NRDE2: variants seen among roughly 807,000 people sequenced by gnomAD.
The protein encoded by NRDE2 is NRDE-2, necessary for RNA interference, domain containing.
In NRDE2, 76 loss-of-function variants were observed where a neutral mutation model predicts 124.2. The ratio of observed to expected loss-of-function variants is 0.61; its 90% CI spans 0.51 to 0.74. NRDE2 has a LOEUF of 0.74. Ranked by LOEUF, NRDE2 falls within the 30% of genes least tolerant of loss-of-function variation. NRDE2 has a pLI of 0.00. For missense variants in NRDE2, 1,314 were observed against 1,417.3 expected, an observed-to-expected ratio of 0.93 and a Z score of 1.17; for synonymous variants, 489 against 528.1, an observed-to-expected ratio of 0.93 and a Z score of 1.01.
chr14:90,279,160 C>T (rs1245349872), intron 12 of NRDE2, 27 bp from the exon 13 acceptor site: 3 of 1,553,164 alleles, frequency 1.9e-6, no homozygotes, highest in Admixed American at 1.7e-5. Flanking sequence ...AAAATACAAA[C>T]ATGATTAGTT....
At position 90,288,417 on chromosome 14, in the gene NRDE2, T is replaced by A; in HGVS notation, c.2958A>T (p.Ala986=). The part of the protein sequence containing the change: ...SVYPLAPLRE[A]LSQALKLYPG... ...GATACAACTTTAAAGCCTGTGAGAG[T>A]GCCTCTCGCAGAGGGGCCAGCGGGT... The change falls in exon 11 of 14, where the codon GCA becomes GCT. Residue 986 remains alanine, a synonymous_variant. Transcript: ENST00000354366. 1 of 1,614,030 alleles carries A rather than the reference T, an allele frequency of 6.2e-7. No individual in the cohort carries two copies. Among genetic ancestry groups the A allele is most frequent in the Non-Finnish European group, 8.5e-7 (1 of 1,180,004 alleles).
At chr14:90,298,147 T>C (rs1884248840) in intron 8 of NRDE2, 113 bp downstream of exon 8, 3 of 1,139,372 alleles carry the variant, frequency 2.6e-6, no homozygotes, top group Non-Finnish European at 3.8e-6. Context: ...TTGATGTTTG[T>C]GCAATATTCT....
chr14:90,317,201 C>T (rs956348703), intron 2 of NRDE2, among the ~76,000 whole-genome samples: 5 of 152,022 alleles, frequency 3.3e-5, no homozygotes, highest in Admixed American at 2.6e-4. Flanking sequence ...GCTGAAGGTG[C>T]TTGGGAGTTT....
chr14:90,301,706 T>C (rs1022155740), intron 6 of NRDE2: 8 of 454,334 alleles, frequency 1.8e-5, no homozygotes, highest in African/African-American at 8.0e-5. Flanking sequence ...AGAAAAAGGA[T>C]GGCGTAGCAG....
intron 1 of NRDE2, among the ~76,000 whole-genome samples, chr14:90,319,488 C>G (rs1303873301): frequency 6.6e-6 from 1 of 152,148 alleles, no homozygotes; most frequent in African/African-American, 2.4e-5. Flanking sequence ...TATCACCCAC[C>G]TCCTGTTTCC....
chr14:90,328,104 C>T (rs1233412937), intron 1 of NRDE2, among the ~76,000 whole-genome samples: 1 of 149,526 alleles, frequency 6.7e-6, no homozygotes, highest in African/African-American at 2.5e-5. Flanking sequence ...GATCACACAA[C>T]TGCACTCCAG....
Position 90,301,341 on chromosome 14 carries a change from C to G in NRDE2, c.1443G>C (p.Arg481=), listed in dbSNP as rs776294849. 1 of 1,613,872 alleles carries G rather than the reference C, an allele frequency of 6.2e-7. No individual in the cohort carries two copies. Among genetic ancestry groups the G allele is most frequent in the Non-Finnish European group, 8.5e-7 (1 of 1,179,930 alleles). Reference sequence around the variant, plus strand: ...TGGCCTTCTCAGAGTGGCCAGCCTGCCGCAGAAAGTGGCACTGCTGAAGAA... The same window carrying G: ...TGGCCTTCTCAGAGTGGCCAGCCTGGCGCAGAAAGTGGCACTGCTGAAGAA... ...ALFLQQCHFL[R]QAGHSEKAIS... is the part of the protein sequence containing the mutation. Residue 481 remains arginine, a synonymous_variant, in exon 7 of 14, where the codon CGG becomes CGC. Transcript: ENST00000354366.
rs1891783397 is a variant in NRDE2, at chr14:90,275,429, A to G, written c.*2907T>C. 1 of 152,176 alleles carries G rather than the reference A, an allele frequency of 6.6e-6. No homozygotes were observed. Among genetic ancestry groups the G allele is most frequent in the African/African-American group, 2.4e-5 (1 of 41,434 alleles). The allele number at this position is 152,176 out of a possible 1,614,324, so 9.4% of individuals were successfully genotyped here. A position where few individuals can be genotyped will look rare whatever the true frequency, so the allele number is the denominator to read the frequency against. On this transcript the variant is annotated 3_prime_UTR_variant, in exon 14 of 14. Transcript: ENST00000354366. ...GAGATTAAAAAAAACAAAAAACCCC[A>G]GCACATCAGTATTGCCTTTTCCTCA...
rs982272523 is a variant in NRDE2, at chr14:90,278,139, T to C, written c.*197A>G. 6 of 573,604 alleles carry C rather than the reference T, an allele frequency of 1.0e-5. No homozygotes were observed. The highest frequency in any genetic ancestry group is 1.5e-5 in the Non-Finnish European group (5 of 323,228). The allele number at this position is 573,604 out of a possible 1,614,324, so 35.5% of individuals were successfully genotyped here. A position where few individuals can be genotyped will look rare whatever the true frequency, so the allele number is the denominator to read the frequency against. On this transcript the variant is annotated 3_prime_UTR_variant, in exon 14 of 14. Transcript: ENST00000354366. ...TATACACATATTCACATATATAATA[T>C]GTAAATAACTTTTGTGTCATTTACA...
At chr14:90,325,239 C>G (rs1355756934) in intron 1 of NRDE2, among the ~76,000 whole-genome samples, 1 of 152,108 alleles carries the variant, frequency 6.6e-6, no homozygotes, top group Non-Finnish European at 1.5e-5. Context: ...GATAATATGT[C>G]TGCTTCATAT....
chr14:90,298,453 T>G, intron 7 of NRDE2, 73 bp from the exon 8 acceptor site: 27 of 1,412,488 alleles, frequency 1.9e-5, no homozygotes, highest in Non-Finnish European at 2.6e-5. Flanking sequence ...AAATCCGCGC[T>G]GGTGGATATA....
At chr14:90,278,985 C>A in intron 13 of NRDE2, 77 bp downstream of exon 13, 2 of 1,036,882 alleles carry the variant, frequency 1.9e-6, no homozygotes, top group Non-Finnish European at 3.0e-6. Context: ...CGGGGCAGGC[C>A]GGGAAGACAC....
chr14:90,319,813 C>T (rs1480525260), intron 1 of NRDE2, among the ~76,000 whole-genome samples: 2 of 152,166 alleles, frequency 1.3e-5, no homozygotes, highest in Non-Finnish European at 2.9e-5. Context: ...TTCATATGGA[C>T]ACATTTTCAT....
At chr14:90,308,906 A>T (rs1158663425) in intron 4 of NRDE2, among the ~76,000 whole-genome samples, 1 of 152,108 alleles carries the variant, frequency 6.6e-6, no homozygotes, top group Non-Finnish European at 1.5e-5. Flanking sequence ...GCACGGACCA[A>T]ATTAAGAAGT....
chr14:90,311,586 C>T (rs10140567), intron 4 of NRDE2, among the ~76,000 whole-genome samples: 2,376 of 152,278 alleles, frequency 0.016, 52 homozygotes, highest in African/African-American at 0.054. Context: ...TCCTCAACCA[C>T]GTGGAACTGT....
intron 3 of NRDE2, among the ~76,000 whole-genome samples, chr14:90,315,132 G>A (rs575872022): frequency 4.5e-4 from 61 of 135,474 alleles, no homozygotes; most frequent in Middle Eastern, 4.8e-3. Context: ...AGCCGAGATC[G>A]TGCCACTGTA....
chr14:90,280,957 A>T (rs1891936381), intron 12 of NRDE2: 1 of 152,306 alleles, frequency 6.6e-6, no homozygotes, highest in Non-Finnish European at 1.5e-5. Context: ...CTGGGAACCT[A>T]AGAAAACAGC....
chr14:90,303,825 G>A (rs1223510844), intron 5 of NRDE2, 110 bp downstream of exon 5: 5 of 917,664 alleles, frequency 5.4e-6, no homozygotes, highest in Non-Finnish European at 8.4e-6. Flanking sequence ...ATCTTTGTAT[G>A]CCCAGTGTCA....
At chr14:90,287,229 A>G (rs1000991081) in intron 11 of NRDE2, among the ~76,000 whole-genome samples, 1 of 152,128 alleles carries the variant, frequency 6.6e-6, no homozygotes, top group Non-Finnish European at 1.5e-5. Flanking sequence ...ATTTTGGCTT[A>G]TAAGGTCAGA....
Sources: gnomAD v4.1 joint callset for allele counts (sites outside exome capture counted in the v4.1 genomes callset) on GRCh38, gnomAD v4.1.1 for gene constraint, MANE v1.5 for transcripts, NCBI Gene and HGNC (gene_info 2026-07-23, HGNC 2026-07-21) for gene names.